GSG1L: variants seen among roughly 807,000 people sequenced by gnomAD.
The protein encoded by GSG1L is GSG1 like, also known as germ cell-specific gene 1-like protein.
A neutral mutation model predicts 42.1 loss-of-function variants in GSG1L; 24 were observed. That is an observed-to-expected ratio of 0.57 (90% CI 0.41 to 0.80). The LOEUF (loss-of-function observed/expected upper bound fraction) is 0.80. Among genes scored for constraint, GSG1L ranks in the 30% least tolerant of loss-of-function variants. The probability of loss-of-function intolerance (pLI) is 0.00; values close to 1 mark genes in which losing one functional copy is unlikely to be tolerated. For synonymous variants in GSG1L, 215 were observed against 203.5 expected (o/e 1.06, Z -0.48); for missense variants, 445 against 472.2 (o/e 0.94, Z 0.53).
At chr16:27,948,617 T>C (rs1278781235) in intron 2 of GSG1L, among the ~76,000 whole-genome samples, 1 of 144,202 alleles carries the variant, frequency 6.9e-6, no homozygotes, top group Admixed American at 6.9e-5. Context: ...TTCTTTTTTT[T>C]TTTTTTTTTT....
intron 1 of GSG1L, among the ~76,000 whole-genome samples, chr16:28,019,032 G>A (rs928014450): frequency 1.3e-5 from 2 of 152,140 alleles, no homozygotes; most frequent in Admixed American, 1.3e-4. Flanking sequence ...GAAGCTGGTC[G>A]AGGTGTCCAT....
At position 27,877,661 on chromosome 16, in the gene GSG1L, G is replaced by T. The variant is rs144520687; in HGVS notation, c.550+6825C>A. Among the ~76,000 whole-genome samples, 894 of 152,092 alleles carry T rather than the reference G, an allele frequency of 5.9e-3. 6 individuals carry two copies. Among genetic ancestry groups the T allele is most frequent in the Non-Finnish European group, 7.6e-3 (519 of 67,988 alleles). ...CCCTCTGCTGCCAGCAACACTGAGTGGGGAGACAGCCTTGACCCTTTTTCT... is the reference window on the plus strand; with the variant it reads ...CCCTCTGCTGCCAGCAACACTGAGTTGGGAGACAGCCTTGACCCTTTTTCT... On this transcript the variant is annotated intron_variant, in intron 3 of 6. Coordinates refer to ENST00000447459, the MANE Select transcript of GSG1L (RefSeq NM_001109763.2).
intron 1 of GSG1L, among the ~76,000 whole-genome samples, chr16:27,974,300 A>G (rs1875763734): frequency 6.6e-6 from 1 of 152,202 alleles, no homozygotes; most frequent in African/African-American, 2.4e-5. Context: ...CTTTGGGGTC[A>G]TAGGTTATTA....
chr16:27,812,835 C>T (rs1448247510), intron 5 of GSG1L, among the ~76,000 whole-genome samples: 1 of 152,114 alleles, frequency 6.6e-6, no homozygotes, highest in Non-Finnish European at 1.5e-5. Flanking sequence ...CTCACCCAGG[C>T]TGGAGTGAAG....
chr16:27,792,991 C>T (rs904013518), intron 6 of GSG1L, among the ~76,000 whole-genome samples: 3 of 152,354 alleles, frequency 2.0e-5, no homozygotes, highest in Middle Eastern at 3.4e-3. Context: ...CAAATTTCAG[C>T]ATTTAAAAAA....
At chr16:27,926,651 T>TC (rs1217337770) in intron 2 of GSG1L, among the ~76,000 whole-genome samples, 1 of 151,916 alleles carries the variant, frequency 6.6e-6, no homozygotes, top group East Asian at 1.9e-4. Context: ...ATCACATCAC[T>TC]CCACTCCAGC....
chr16:27,933,672 G>A (rs956165707), intron 2 of GSG1L, among the ~76,000 whole-genome samples: 3 of 129,496 alleles, frequency 2.3e-5, no homozygotes, highest in Admixed American at 2.3e-4. Context: ...AAAAAAAAGT[G>A]TGTTGAGCCA....
At chr16:27,937,965 C>A (rs1404361442) in intron 2 of GSG1L, among the ~76,000 whole-genome samples, 1 of 152,150 alleles carries the variant, frequency 6.6e-6, no homozygotes. Flanking sequence ...TCTGCCCCAC[C>A]TCCTAGCTCA....
At chr16:28,002,304 T>G (rs945645764) in intron 1 of GSG1L, among the ~76,000 whole-genome samples, 1 of 152,210 alleles carries the variant, frequency 6.6e-6, no homozygotes, top group Non-Finnish European at 1.5e-5. Flanking sequence ...TCAAACCTGA[T>G]GACGACAAGC....
At chr16:28,028,184 G>A (rs2085921179) in intron 1 of GSG1L, among the ~76,000 whole-genome samples, 1 of 152,154 alleles carries the variant, frequency 6.6e-6, no homozygotes. Context: ...GCAAGCTACT[G>A]AACTTCAAGA....
intron 5 of GSG1L, among the ~76,000 whole-genome samples, chr16:27,816,694 G>C (rs1347506603): frequency 1.3e-5 from 2 of 152,168 alleles, no homozygotes; most frequent in Non-Finnish European, 2.9e-5. Flanking sequence ...GTGGAGCTGG[G>C]AGGAGATTTG....
intron 6 of GSG1L, among the ~76,000 whole-genome samples, chr16:27,792,489 GTCTT>G (rs1250076740): frequency 6.6e-6 from 1 of 152,184 alleles, no homozygotes; most frequent in African/African-American, 2.4e-5. Context: ...TCTCTTCAAA[GTCTT>G]TCTAGCGCAC....
intron 2 of GSG1L, among the ~76,000 whole-genome samples, chr16:27,906,805 G>A (rs932634461): frequency 4.6e-5 from 7 of 152,170 alleles, no homozygotes; most frequent in Non-Finnish European, 8.8e-5. Flanking sequence ...CAGTTTACCC[G>A]TCTGTGAAAC....
chr16:27,824,941 C>T (rs1026019415), intron 5 of GSG1L, among the ~76,000 whole-genome samples: 5 of 152,208 alleles, frequency 3.3e-5, no homozygotes, highest in Admixed American at 3.3e-4. Context: ...GCTGAGTGCC[C>T]ACTTCGGGCC....
chr16:27,943,385 A>G (rs1220721234), intron 2 of GSG1L, among the ~76,000 whole-genome samples: 1 of 152,006 alleles, frequency 6.6e-6, no homozygotes, highest in Middle Eastern at 3.2e-3. Flanking sequence ...ACAGCAGAAT[A>G]TTACATAACA....
At chr16:27,796,339 C>T (rs953047407) in intron 6 of GSG1L, among the ~76,000 whole-genome samples, 1 of 148,270 alleles carries the variant, frequency 6.7e-6, no homozygotes, top group Admixed American at 6.7e-5. Flanking sequence ...GCTAAGAAAT[C>T]GGGCTTTGGA....
intron 2 of GSG1L, among the ~76,000 whole-genome samples, chr16:27,898,557 T>C (rs2084218420): frequency 6.6e-6 from 1 of 151,842 alleles, no homozygotes; most frequent in Non-Finnish European, 1.5e-5. Flanking sequence ...CTCCTCCTCT[T>C]CCTCCTCCTC....
At chr16:28,017,328 G>A (rs2085792944) in intron 1 of GSG1L, among the ~76,000 whole-genome samples, 1 of 152,248 alleles carries the variant, frequency 6.6e-6, no homozygotes, top group Non-Finnish European at 1.5e-5. Flanking sequence ...AGGACCAAAT[G>A]TCAGCGAGGA....
chr16:27,871,020 C>T (rs2083813782), intron 3 of GSG1L, among the ~76,000 whole-genome samples: 1 of 147,236 alleles, frequency 6.8e-6, no homozygotes, highest in Non-Finnish European at 1.5e-5. Context: ...CTCATTGCAC[C>T]CCCACACTTC....
Sources: allele counts gnomAD v4.1 joint callset (sites outside exome capture counted in the v4.1 genomes callset), GRCh38; gene constraint gnomAD v4.1.1; transcripts MANE v1.5; gene names NCBI Gene and HGNC (gene_info 2026-07-23, HGNC 2026-07-21).